The following ABCC4 variants were observed in gnomAD, a reference collection of about 807,000 sequenced individuals.
The protein encoded by ABCC4 is ATP binding cassette subfamily C member 4 (PEL blood group), also known as ATP-binding cassette sub-family C member 4.
ABCC4 carries 102 observed loss-of-function variants against 168.5 expected under a neutral mutation model. The ratio of observed to expected loss-of-function variants is 0.61; its 90% CI spans 0.52 to 0.71. ABCC4 has a LOEUF of 0.71. Among genes scored for constraint, ABCC4 ranks in the 30% least tolerant of loss-of-function variants. ABCC4 has a pLI of 0.00. For synonymous variants in ABCC4, 617 were observed against 590.7 expected (o/e 1.04, Z -0.65); for missense variants, 1,402 against 1,605.8 (o/e 0.87, Z 2.17).
At chr13:95,199,831 C>T (rs1356440260) in intron 8 of ABCC4, among the ~76,000 whole-genome samples, 1 of 152,164 alleles carries the variant, frequency 6.6e-6, no homozygotes, top group East Asian at 1.9e-4. Context: ...CACATAATTA[C>T]CCCCAGGGAA....
In ABCC4 at chr13:95,052,965, A is replaced by T. The variant is rs2032901615; in HGVS notation, c.3456+130T>A. The T allele has an allele frequency of 4.1e-6, 3 of 733,174 alleles. No homozygotes were observed. The Admixed American group carries it at 6.8e-5, about 17-fold the overall frequency. The allele number at this position is 733,174 out of a possible 1,614,324, so 45.4% of individuals were successfully genotyped here. ...CACATTATAGCATATCCACATCCTC[A>T]ATGATCTCCTGGGTGGTGAACAAAG... On this transcript the variant is annotated intron_variant, in intron 27 of 30. Transcript: ENST00000645237.
In ABCC4 at chr13:95,088,424, T is replaced by C. The variant is rs527248577; in HGVS notation, c.2536-5134A>G. ...CTTAATGATGACCTAAAGGCTACAA[T>C]ACTATAGCCAATAACTGCATAAACA... On this transcript the variant is annotated intron_variant, in intron 20 of 30. Transcript: ENST00000645237. Among the ~76,000 whole-genome samples, 9 of 152,330 alleles carry C rather than the reference T, an allele frequency of 5.9e-5. No individual in the cohort carries two copies. In the South Asian group the frequency reaches 1.9e-3, roughly 32 times the overall value.
rs77235513 is a variant in ABCC4, at chr13:95,040,897, T to G, written c.3735+2785A>C. Among the ~76,000 whole-genome samples the G allele has an allele frequency of 4.3e-3, 659 of 152,308 alleles. 10 individuals are homozygous for G. Among genetic ancestry groups the G allele is most frequent in the East Asian group, 0.03 (158 of 5,186 alleles). On this transcript the variant is annotated intron_variant, in intron 29 of 30. Coordinates refer to ENST00000645237, the MANE Select transcript of ABCC4 (RefSeq NM_005845.5). ...TGAATTTCTCAGGCCTGGTTTTGCT[T>G]CTCTGTAATTCACTCCCGAAGAATT...
At chr13:95,250,565 C>A (rs115825111) in intron 1 of ABCC4, among the ~76,000 whole-genome samples, 1 of 152,068 alleles carries the variant, frequency 6.6e-6, no homozygotes, top group African/African-American at 2.4e-5. Flanking sequence ...ATGCCCAACA[C>A]AGGAAGCCAT....
chr13:95,040,481 C>T (rs1279889977), intron 29 of ABCC4, among the ~76,000 whole-genome samples: 3 of 152,162 alleles, frequency 2.0e-5, no homozygotes, highest in Non-Finnish European at 2.9e-5. Context: ...GGTGATCTGC[C>T]CTTCTCGGCC....
chr13:95,211,613 T>TG (rs1259194615), intron 4 of ABCC4, among the ~76,000 whole-genome samples: 1 of 151,282 alleles, frequency 6.6e-6, no homozygotes, highest in Non-Finnish European at 1.5e-5. Flanking sequence ...CTTATGGAAA[T>TG]GGGGCTGAAG....
At chr13:95,212,198 A>G (rs940917622) in intron 4 of ABCC4, among the ~76,000 whole-genome samples, 1 of 151,714 alleles carries the variant, frequency 6.6e-6, no homozygotes, top group Admixed American at 6.6e-5. Context: ...AAAAAATGCT[A>G]TTATGCAAAT....
At chr13:95,266,881 T>C (rs1357434756) in intron 1 of ABCC4, among the ~76,000 whole-genome samples, 1 of 129,920 alleles carries the variant, frequency 7.7e-6, no homozygotes, top group Non-Finnish European at 1.5e-5. Flanking sequence ...AATCTCATCT[T>C]TTTTTTTTTT....
chr13:95,033,010 C>T (rs548997924), intron 30 of ABCC4, among the ~76,000 whole-genome samples: 1 of 122,326 alleles, frequency 8.2e-6, no homozygotes, highest in African/African-American at 3.3e-5. Context: ...CGCTCTGTCG[C>T]CCAGGCTGGA....
intron 11 of ABCC4, among the ~76,000 whole-genome samples, chr13:95,178,694 G>T (rs1044102646): frequency 6.6e-6 from 1 of 152,180 alleles, no homozygotes; most frequent in African/African-American, 2.4e-5. Flanking sequence ...ACACGGAACT[G>T]CGAGCACAGG....
At chr13:95,231,044 C>A (rs2039606679) in intron 4 of ABCC4, among the ~76,000 whole-genome samples, 1 of 152,184 alleles carries the variant, frequency 6.6e-6, no homozygotes, top group Admixed American at 6.5e-5. Context: ...ATAACAAATA[C>A]TGTATGATTC....
At chr13:95,227,643 AC>A (rs2039501853) in intron 4 of ABCC4, among the ~76,000 whole-genome samples, 1 of 152,242 alleles carries the variant, frequency 6.6e-6, no homozygotes, top group African/African-American at 2.4e-5. Flanking sequence ...AGACTAATAG[AC>A]AAAAGATTAG....
At chr13:95,138,531 AC>A (rs1235142803) in intron 19 of ABCC4, among the ~76,000 whole-genome samples, 6 of 152,188 alleles carry the variant, frequency 3.9e-5, no homozygotes, top group South Asian at 4.1e-4. Context: ...CATGTTTAAA[AC>A]AAACAAACAG....
intron 3 of ABCC4, among the ~76,000 whole-genome samples, chr13:95,240,626 T>C (rs1235259568): frequency 6.6e-6 from 1 of 152,188 alleles, no homozygotes; most frequent in African/African-American, 2.4e-5. Context: ...CATGAGTTGA[T>C]AGTTACTGAA....
chr13:95,171,147 A>G (rs1409831772), intron 13 of ABCC4, among the ~76,000 whole-genome samples: 1 of 150,646 alleles, frequency 6.6e-6, no homozygotes, highest in African/African-American at 2.4e-5. Context: ...TAGATACGAA[A>G]ACAAATGCTA....
At chr13:95,269,434 AATATAT>A (rs752369744) in intron 1 of ABCC4, 24 of 119,116 alleles carry the variant, frequency 2.0e-4, no homozygotes, top group African/African-American at 3.8e-4. Flanking sequence ...TCAAAAAAAA[AATATAT>A]ATATATATAT....
At chr13:95,121,060 C>T (rs1232064625) in intron 19 of ABCC4, among the ~76,000 whole-genome samples, 2 of 152,130 alleles carry the variant, frequency 1.3e-5, no homozygotes, top group African/African-American at 4.8e-5. Context: ...TCAGAACAGG[C>T]CATCAACATG....
Position 95,132,893 on chromosome 13 carries a change from G to C in ABCC4, c.2456-16892C>G, listed in dbSNP as rs146465776. Among the ~76,000 whole-genome samples, 869 of 152,212 alleles carry C rather than the reference G, an allele frequency of 5.7e-3. 12 individuals are homozygous for C. Among genetic ancestry groups the C allele is most frequent in the African/African-American group, 0.02 (834 of 41,520 alleles). ...AAACTCAGAGACAGAAAGTAGAAGG[G>C]TGAATGCCAGGGGGTGGAGAGAAGG... On this transcript the variant is annotated intron_variant, in intron 19 of 30. Coordinates refer to ENST00000645237, the MANE Select transcript of ABCC4 (RefSeq NM_005845.5).
intron 19 of ABCC4, among the ~76,000 whole-genome samples, chr13:95,126,126 T>C (rs1460550242): frequency 6.6e-6 from 1 of 152,172 alleles, no homozygotes; most frequent in Non-Finnish European, 1.5e-5. Flanking sequence ...ATCACCAATC[T>C]CTTGACCTCT....
Sources: gnomAD v4.1 joint callset for allele counts (sites outside exome capture counted in the v4.1 genomes callset) on GRCh38, gnomAD v4.1.1 for gene constraint, MANE v1.5 for transcripts, NCBI Gene and HGNC (gene_info 2026-07-23, HGNC 2026-07-21) for gene names.